C2orf69: variants seen among roughly 807,000 people sequenced by gnomAD.
C2orf69 encodes the protein chromosome 2 open reading frame 69.
C2orf69 carries 19 observed loss-of-function variants against 29.5 expected under a neutral mutation model. The observed-to-expected ratio is 0.65, with a 90% CI of 0.45 to 0.95. C2orf69 has a LOEUF of 0.95. C2orf69 is among the 40% of genes least tolerant of loss of function. The pLI is 0.00. For synonymous variants in C2orf69, 194 were observed against 180.0 expected, an observed-to-expected ratio of 1.08 and a Z score of -0.62; for missense variants, 416 against 482.1, an observed-to-expected ratio of 0.86 and a Z score of 1.28.
chr2:199,922,731 G>A (rs2077321836), intron 1 of C2orf69, among the ~76,000 whole-genome samples: 1 of 152,004 alleles, frequency 6.6e-6, no homozygotes, highest in Non-Finnish European at 1.5e-5. Context: ...AATAAATTCA[G>A]GACTTGACCA....
chr2:199,912,236 TAAA>T (rs78297316), intron 1 of C2orf69, among the ~76,000 whole-genome samples: 1 of 152,136 alleles, frequency 6.6e-6, no homozygotes, highest in Non-Finnish European at 1.5e-5. Flanking sequence ...CCAGTAACCC[TAAA>T]AAAGAGTGGG....
Position 199,925,506 on chromosome 2 carries a change from T to C in C2orf69, c.778T>C (p.Leu260=). The part of the protein sequence containing the change: ...PPSLNDASFT[L]IGFSKGCVVL... ...ATCACTAAATGACGCATCTTTTACT[T>C]TGATTGGATTCAGTAAAGGTTGTGT... Residue 260 remains leucine (L), a synonymous_variant, in exon 2 of 2, where the codon TTG becomes CTG. Transcript: ENST00000319974. This position sits in a 1 kb window ranked among gnomAD's most constrained non-coding sequence, Gnocchi z 4.9. 1.2e-6 allele frequency: 2 copies of C among 1,613,880 alleles called. No individual in the cohort carries two copies. Among genetic ancestry groups the C allele is most frequent in the Non-Finnish European group, 1.7e-6 (2 of 1,179,830 alleles).
At chr2:199,920,312 C>T (rs176010) in intron 1 of C2orf69, among the ~76,000 whole-genome samples, 17,305 of 152,056 alleles carry the variant, frequency 0.11, 1,447 homozygotes, top group Admixed American at 0.25. Flanking sequence ...GGCTTTGACA[C>T]ACAGTAATGA....
chr2:199,911,316 C>G lies in C2orf69; in HGVS notation c.-123C>G. The G allele has an allele frequency of 4.9e-6, 6 of 1,223,950 alleles. No individual in the cohort carries two copies. The highest frequency in any genetic ancestry group is 6.4e-6 in the Non-Finnish European group (6 of 939,686). The allele number at this position is 1,223,950 out of a possible 1,614,324, so 75.8% of individuals were successfully genotyped here. A position where few individuals can be genotyped will look rare whatever the true frequency, so the allele number is the denominator to read the frequency against. ...GCCTCTGACGTCGTCGCCTCAGCGC[C>G]GGCTCCCGGCCGGGCCGCGGCCGCC... On this transcript the variant is annotated 5_prime_UTR_variant, in exon 1 of 2. Transcript: ENST00000319974.
At chr2:199,918,708 T>A (rs2077302690) in intron 1 of C2orf69, among the ~76,000 whole-genome samples, 1 of 152,062 alleles carries the variant, frequency 6.6e-6, no homozygotes, top group Admixed American at 6.6e-5. Flanking sequence ...TGACAAGTGT[T>A]GGAATTATGT....
chr2:199,914,338 G>C (rs1420982279), intron 1 of C2orf69, among the ~76,000 whole-genome samples: 1 of 152,002 alleles, frequency 6.6e-6, no homozygotes, highest in Non-Finnish European at 1.5e-5. Flanking sequence ...AAAATCTCTG[G>C]ATCTTTACCC....
intron 1 of C2orf69, among the ~76,000 whole-genome samples, chr2:199,921,007 T>TG (rs1217353562): frequency 2.4e-5 from 3 of 126,126 alleles, no homozygotes; most frequent in South Asian, 5.7e-4. Context: ...ATTAGTTTTT[T>TG]TTTTTTTTTT....
rs138027343 is a variant in C2orf69, at chr2:199,919,013, G to A, written c.334-6049G>A. ...GTCAACTAGGCTGAAATGCAGTGGC[G>A]TGAACATGGCTCACTGCAGCCTCAA... On this transcript the variant is annotated intron_variant, in intron 1 of 1. Coordinates refer to ENST00000319974, the MANE Select transcript of C2orf69 (RefSeq NM_153689.6). Among the ~76,000 whole-genome samples, 1,228 of 152,176 alleles carry A rather than the reference G, an allele frequency of 8.1e-3. 16 individuals carry two copies. Among genetic ancestry groups the A allele is most frequent in the African/African-American group, 0.028 (1,155 of 41,506 alleles).
At chr2:199,919,408 G>T (rs2077305563) in intron 1 of C2orf69, among the ~76,000 whole-genome samples, 1 of 152,220 alleles carries the variant, frequency 6.6e-6, no homozygotes, top group Non-Finnish European at 1.5e-5. Context: ...AGACGATCAT[G>T]CCCTAAGTGG....
chr2:199,918,513 C>T (rs1284965695), intron 1 of C2orf69, among the ~76,000 whole-genome samples: 1 of 152,084 alleles, frequency 6.6e-6, no homozygotes, highest in African/African-American at 2.4e-5. Flanking sequence ...AGGTGTGTGC[C>T]ACCACGCCTG....
At chr2:199,918,518 C>CGCCTG (rs986919479) in intron 1 of C2orf69, among the ~76,000 whole-genome samples, 38 of 151,994 alleles carry the variant, frequency 2.5e-4, no homozygotes, top group Non-Finnish European at 4.4e-4. Context: ...TGTGCCACCA[C>CGCCTG]GCCTGGGTAA....
At chr2:199,913,209 TATATTATATATA>T (rs1293671794) in intron 1 of C2orf69, among the ~76,000 whole-genome samples, 5 of 88,516 alleles carry the variant, frequency 5.6e-5, no homozygotes, top group African/African-American at 1.8e-4. Context: ...TAATATATAA[TATATTATATATA>T]ATATATATTA....
chr2:199,913,533 A>C (rs2077282580), intron 1 of C2orf69, among the ~76,000 whole-genome samples: 1 of 125,208 alleles, frequency 8.0e-6, no homozygotes, highest in Non-Finnish European at 1.6e-5. Flanking sequence ...AAAATATACT[A>C]TATAATATAT....
At chr2:199,922,291 C>G (rs2077320063) in intron 1 of C2orf69, among the ~76,000 whole-genome samples, 1 of 151,732 alleles carries the variant, frequency 6.6e-6, no homozygotes, top group African/African-American at 2.4e-5. Context: ...TTTGTAGAGA[C>G]AGGATTTCAC....
Position 199,911,833 on chromosome 2 carries a change from AT to A in C2orf69, c.333+64del, listed in dbSNP as rs2077263837. 3.3e-6 allele frequency: 5 copies of A among 1,532,776 alleles called. No individual in the cohort carries two copies. The Admixed American group carries it at 7.9e-5, about 24-fold the overall frequency. 94.9% of individuals were successfully genotyped at this position (1,532,776 alleles called of 1,614,324 possible). On this transcript the variant is annotated intron_variant, in intron 1 of 1. Coordinates refer to ENST00000319974, the MANE Select transcript of C2orf69 (RefSeq NM_153689.6). ...CTCGTGTATACGTACGCGGTCACTG[AT>A]TCTTCCCTCGTGGCTGCTGCCTGGT... is the stretch of plus-strand genomic sequence containing the variant.
At chr2:199,923,141 C>A (rs2077323503) in intron 1 of C2orf69, among the ~76,000 whole-genome samples, 1 of 152,236 alleles carries the variant, frequency 6.6e-6, no homozygotes, top group South Asian at 2.1e-4. Flanking sequence ...CAGGTCCTTT[C>A]AAACTATCAC....
intron 1 of C2orf69, among the ~76,000 whole-genome samples, chr2:199,916,131 A>T (rs981245871): frequency 6.6e-6 from 1 of 152,180 alleles, no homozygotes; most frequent in Non-Finnish European, 1.5e-5. Context: ...GAGACTTACA[A>T]TCATGGCAGA....
intron 1 of C2orf69, among the ~76,000 whole-genome samples, chr2:199,914,880 G>T: frequency 6.6e-6 from 1 of 152,066 alleles, no homozygotes; most frequent in East Asian, 1.9e-4. Context: ...AATAATCATA[G>T]TATATATAGG....
At chr2:199,918,060 G>T (rs1371742267) in intron 1 of C2orf69, among the ~76,000 whole-genome samples, 1 of 152,166 alleles carries the variant, frequency 6.6e-6, no homozygotes, top group Non-Finnish European at 1.5e-5. Context: ...AAAACTCACT[G>T]TCACCAGAAC....
Sources: allele counts gnomAD v4.1 joint callset (sites outside exome capture counted in the v4.1 genomes callset), GRCh38; gene constraint gnomAD v4.1.1; non-coding constraint Gnocchi (gnomAD v3.1); transcripts MANE v1.5; gene names NCBI Gene and HGNC (gene_info 2026-07-23, HGNC 2026-07-21).